QRFPR: variants seen among roughly 807,000 people sequenced by gnomAD.
The protein encoded by QRFPR is pyroglutamylated RF-amide peptide receptor.
In QRFPR, 37 loss-of-function variants were observed where a neutral mutation model predicts 31.3. That is an observed-to-expected ratio of 1.18 (90% CI 0.91 to 1.56). The LOEUF (loss-of-function observed/expected upper bound fraction) is 1.56. QRFPR is among the 40% of genes most tolerant of loss of function. The probability of loss-of-function intolerance (pLI) is 0.00; values close to 1 mark genes in which losing one functional copy is unlikely to be tolerated. For synonymous variants in QRFPR, 197 were observed against 192.0 expected, an observed-to-expected ratio of 1.03 and a Z score of -0.22; for missense variants, 542 against 532.5, an observed-to-expected ratio of 1.02 and a Z score of -0.18.
chr4:121,331,620 C>CA lies in QRFPR; in HGVS notation c.798-1098_798-1097insT. On this transcript the variant is annotated intron_variant, in intron 4 of 5. Transcript: ENST00000394427. ...GTTTATAAAAACTCATACTCATTAT[C>CA]TCATTATTATTATTATTATTATTAT... 2.7e-5 allele frequency among the ~76,000 whole-genome samples: 3 copies of CA among 112,354 alleles called. No homozygotes were observed. The South Asian group carries it at 1.1e-3, about 39-fold the overall frequency. 73.7% of individuals were successfully genotyped at this position (112,354 alleles called of 152,430 possible). A position where few individuals can be genotyped will look rare whatever the true frequency, so the allele number is the denominator to read the frequency against.
At chr4:121,341,360 T>A (rs907992868) in intron 1 of QRFPR, among the ~76,000 whole-genome samples, 51 of 152,152 alleles carry the variant, frequency 3.4e-4, no homozygotes, top group African/African-American at 1.2e-3. Flanking sequence ...TACAAGAGGA[T>A]CATAAACTCA....
intron 1 of QRFPR, among the ~76,000 whole-genome samples, chr4:121,372,638 G>T (rs1465167180): frequency 1.3e-5 from 2 of 152,102 alleles, no homozygotes; most frequent in South Asian, 2.1e-4. Flanking sequence ...CTATGACTTT[G>T]CTTATTCTAA....
intron 1 of QRFPR, among the ~76,000 whole-genome samples, chr4:121,365,563 TATTATATATAATATATATTATATATATTA>T (rs1726096325): frequency 5.8e-5 from 1 of 17,100 alleles, no homozygotes; most frequent in Non-Finnish European, 8.5e-5. Context: ...ATATAATATA[TATTATATATAATATATATTATATATATTA>T]TATATATATA....
At position 121,364,597 on chromosome 4, in the gene QRFPR, G is replaced by A. The variant is rs533638907; in HGVS notation, c.340+15711C>T. Among the ~76,000 whole-genome samples, 91 of 147,868 alleles carry A rather than the reference G, an allele frequency of 6.2e-4. 3 individuals carry two copies. Among genetic ancestry groups the A allele is most frequent in the Admixed American group, 2.0e-3 (30 of 14,850 alleles). ...GGAGCTTGCTGTGAGCCGAGATTGC[G>A]CCACTGCACTCCAGCCTGGGCCACA... is the stretch of plus-strand genomic sequence containing the variant. On this transcript the variant is annotated intron_variant, in intron 1 of 5. Coordinates refer to ENST00000394427, the MANE Select transcript of QRFPR (RefSeq NM_198179.3).
chr4:121,329,755 G>A (rs1388924235), intron 5 of QRFPR, 41 bp from the exon 6 acceptor site: 1 of 1,322,908 alleles, frequency 7.6e-7, no homozygotes, highest in Non-Finnish European at 1.0e-6. Flanking sequence ...TTTATTTTAA[G>A]GAGTATAAAA....
At position 121,380,741 on chromosome 4, in the gene QRFPR, G is replaced by A; in HGVS notation, c.-94C>T. The A allele has an allele frequency of 8.3e-7, 1 of 1,207,516 alleles. No individual in the cohort carries two copies. Among genetic ancestry groups the A allele is most frequent in the Non-Finnish European group, 1.1e-6 (1 of 881,036 alleles). 74.8% of individuals were successfully genotyped at this position (1,207,516 alleles called of 1,614,324 possible). A position where few individuals can be genotyped will look rare whatever the true frequency, so the allele number is the denominator to read the frequency against. ...GAGGGCTTCGGGGGACCAGCCGGAG[G>A]CCGCCTCCCTTCCTCTACTCTGGAG... On this transcript the variant is annotated 5_prime_UTR_variant, in exon 1 of 6. Coordinates refer to ENST00000394427, the MANE Select transcript of QRFPR (RefSeq NM_198179.3).
At chr4:121,358,661 A>C (rs1725916203) in intron 1 of QRFPR, among the ~76,000 whole-genome samples, 1 of 152,136 alleles carries the variant, frequency 6.6e-6, no homozygotes, top group Non-Finnish European at 1.5e-5. Context: ...CACTGCTCTC[A>C]TAAACTTGTG....
At chr4:121,347,623 A>T (rs1725680155) in intron 1 of QRFPR, among the ~76,000 whole-genome samples, 1 of 152,076 alleles carries the variant, frequency 6.6e-6, no homozygotes, top group Admixed American at 6.6e-5. Context: ...TTAACTTCCA[A>T]CAGTTTATCT....
chr4:121,335,304 A>G (rs1386881065), intron 3 of QRFPR, among the ~76,000 whole-genome samples: 1 of 152,136 alleles, frequency 6.6e-6, no homozygotes, highest in Non-Finnish European at 1.5e-5. Flanking sequence ...CACACAATTT[A>G]GAACTAGAGT....
At chr4:121,369,097 C>T (rs1291342459) in intron 1 of QRFPR, among the ~76,000 whole-genome samples, 1 of 152,194 alleles carries the variant, frequency 6.6e-6, no homozygotes, top group South Asian at 2.1e-4. Flanking sequence ...GGCGTGATCT[C>T]GGCTCACTGC....
intron 1 of QRFPR, among the ~76,000 whole-genome samples, chr4:121,365,654 AT>A (rs71591582): frequency 0.03 from 977 of 32,486 alleles, 104 homozygotes; most frequent in Non-Finnish European, 0.041. Context: ...TATATTATAT[AT>A]TATATATATT....
At chr4:121,361,139 C>T (rs1225254824) in intron 1 of QRFPR, among the ~76,000 whole-genome samples, 1 of 133,470 alleles carries the variant, frequency 7.5e-6, no homozygotes, top group Non-Finnish European at 1.6e-5. Context: ...AGAAAAAGCA[C>T]TCAATTTCCC....
At chr4:121,374,795 A>G (rs1018202528) in intron 1 of QRFPR, among the ~76,000 whole-genome samples, 23 of 152,244 alleles carry the variant, frequency 1.5e-4, no homozygotes, top group Admixed American at 4.6e-4. Flanking sequence ...AAAGATAGTA[A>G]AAGTGCATGA....
At chr4:121,369,445 T>C (rs1726191304) in intron 1 of QRFPR, 1 of 917,374 alleles carries the variant, frequency 1.1e-6, no homozygotes, top group Non-Finnish European at 1.7e-6. Flanking sequence ...AGCCAGTGGG[T>C]GTGAGCACAT....
Position 121,329,485 on chromosome 4 carries a change from C to T in QRFPR, c.1125G>A (p.Lys375=), listed in dbSNP as rs1490924542. ...CCACTGGATTCTCTCTGAGGGAAAA[C>T]TTTGCTTTCTTCCGCATCATTGTAA... is the stretch of plus-strand genomic sequence containing the variant. ...SGITMMRKKA[K]FSLRENPVEE... is the part of the protein sequence containing the mutation. Residue 375 remains lysine, a synonymous_variant, in exon 6 of 6, where the codon AAG becomes AAA. Transcript: ENST00000394427. 6 of 1,614,036 alleles carry T rather than the reference C, an allele frequency of 3.7e-6. 1 individual carries two copies. The highest frequency in any genetic ancestry group is 3.3e-5 in the South Asian group (3 of 91,086).
chr4:121,365,581 TTATATATATTATATATATATA>T (rs1726102058), intron 1 of QRFPR, among the ~76,000 whole-genome samples: 1 of 6,384 alleles, frequency 1.6e-4, no homozygotes, highest in South Asian at 2.3e-3. Flanking sequence ...ATAATATATA[TTATATATATTATATATATATA>T]ATATATATAT....
chr4:121,343,107 A>G (rs1725575450), intron 1 of QRFPR, among the ~76,000 whole-genome samples: 2 of 152,218 alleles, frequency 1.3e-5, no homozygotes, highest in Non-Finnish European at 2.9e-5. Context: ...TGTTCAGGAT[A>G]TGGCTTGGCC....
intron 1 of QRFPR, among the ~76,000 whole-genome samples, chr4:121,370,635 C>T (rs959457475): frequency 1.3e-5 from 2 of 152,174 alleles, no homozygotes; most frequent in Non-Finnish European, 2.9e-5. Context: ...CTTCAAAGGT[C>T]TCCAGGACTC....
chr4:121,360,476 G>T (rs1285519193), intron 1 of QRFPR, among the ~76,000 whole-genome samples: 1 of 152,128 alleles, frequency 6.6e-6, no homozygotes, highest in Non-Finnish European at 1.5e-5. Context: ...GTTCTGATGG[G>T]TTTAATTTTT....
Sources: allele counts gnomAD v4.1 joint callset (sites outside exome capture counted in the v4.1 genomes callset), GRCh38; gene constraint gnomAD v4.1.1; transcripts MANE v1.5; gene names NCBI Gene and HGNC (gene_info 2026-07-23, HGNC 2026-07-21).